LTB: variants seen among roughly 807,000 people sequenced by gnomAD.
LTB encodes lymphotoxin beta, also known as lymphotoxin-beta.
LTB carries 17 observed loss-of-function variants against 14.7 expected under a neutral mutation model. That is an observed-to-expected ratio of 1.16 (90% CI 0.79 to 1.73). The LOEUF (loss-of-function observed/expected upper bound fraction) is 1.73, where lower values mean the gene tolerates loss of function less well. LTB is among the 40% of genes most tolerant of loss of function. The pLI, the probability that LTB is intolerant of heterozygous loss-of-function variation, is 0.00. For missense variants in LTB, 288 were observed against 324.3 expected (o/e 0.89, Z 0.86); for synonymous variants, 163 against 157.3 (o/e 1.04, Z -0.27).
rs567175785 is a variant in LTB at position 31,580,602 on chromosome 6, T to C, written c.*107A>G. ...CTTTCCATTCTTTATTTTCATCAGG[T>C]TCAAAATCAATTTCCAAACAGTCTC... On this transcript the variant is annotated 3_prime_UTR_variant, in exon 4 of 4. Transcript: ENST00000429299. The surrounding 1 kb of genome is among the most constrained non-coding windows in gnomAD (Gnocchi z 6.6). The C allele has an allele frequency of 2.4e-4, 255 of 1,056,852 alleles. 2 individuals carry two copies. In the Middle Eastern group the frequency reaches 7.4e-3, roughly 31 times the overall value. The allele number at this position is 1,056,852 out of a possible 1,614,324, so 65.5% of individuals were successfully genotyped here. A position where few individuals can be genotyped will look rare whatever the true frequency, so the allele number is the denominator to read the frequency against.
intron 1 of LTB, 171 bp downstream of exon 1, chr6:31,582,085 A>T (rs1472755322): frequency 1.2e-6 from 1 of 854,010 alleles, no homozygotes; most frequent in South Asian, 1.7e-5. Context: ...TCGGGACACA[A>T]GCACAACATC....
rs776586567 is a variant in LTB at position 31,581,067 on chromosome 6, G to A, written c.377C>T (p.Ala126Val). 2 of 1,610,314 alleles carry A rather than the reference G, an allele frequency of 1.2e-6. No individual in the cohort carries two copies. The highest frequency in any genetic ancestry group is 1.7e-6 in the Non-Finnish European group (2 of 1,178,912). ...GTQFSDAEGLALPQDGLYYLY... is the reference protein window; with the variant it reads ...GTQFSDAEGLVLPQDGLYYLY... ...GTAATAGAGGCCGTCCTGCGGGAGC[G>A]CCAGCCCCTCGGCGTCCGAGAACTG... The change falls in exon 4 of 4, where the codon GCG becomes GTG. Residue 126 changes from alanine (A) to valine (V), a missense_variant. Transcript: ENST00000429299.
chr6:31,581,706 A>G lies in LTB; in HGVS notation c.209-76T>C, dbSNP rs866794051. 1.2e-5 allele frequency: 19 copies of G among 1,593,744 alleles called. No homozygotes were observed. In the Middle Eastern group the frequency reaches 3.0e-3, roughly 250 times the overall value. On this transcript the variant is annotated intron_variant, in intron 2 of 3. Transcript: ENST00000429299. ...GGCTACCCTTGAGAGAACAGGGCGC[A>G]GGGATGGGGAGCCTGGATTCCTAGA...
rs575140707 is a variant in LTB at position 31,580,878 on chromosome 6, A to G, written c.566T>C (p.Leu189Pro). The G allele has an allele frequency of 3.1e-5, 50 of 1,606,260 alleles. No individual in the cohort carries two copies. The South Asian group carries it at 5.0e-4, about 16-fold the overall frequency. ...LEGAETVTPV[L>P]DPARRQGYGP... is the part of the protein sequence containing the mutation. Reference sequence around the variant, plus strand: ...GTACCCTTGTCTCCTGGCCGGGTCCAGCACTGGAGTCACCGTCTCGGCGCC... The same window carrying G: ...GTACCCTTGTCTCCTGGCCGGGTCCGGCACTGGAGTCACCGTCTCGGCGCC... Residue 189 changes from leucine to proline, a missense_variant, in exon 4 of 4, where the codon CTG becomes CCG. Coordinates refer to ENST00000429299, the MANE Select transcript of LTB (RefSeq NM_002341.2). This position sits in a 1 kb window ranked among gnomAD's most constrained non-coding sequence, Gnocchi z 6.6.
chr6:31,581,073 C>T lies in LTB; in HGVS notation c.371G>A (p.Gly124Glu). Residue 124 changes from glycine (G) to glutamate (E), a missense_variant, in exon 4 of 4, where the codon GGG (glycine) becomes GAG (glutamate). Gly to Glu is a moderately conservative substitution (Grantham distance 98). Coordinates refer to ENST00000429299, the MANE Select transcript of LTB (RefSeq NM_002341.2). ...GAGGCCGTCCTGCGGGAGCGCCAGCCCCTCGGCGTCCGAGAACTGCGTCCC... is the reference window on the plus strand; with the variant it reads ...GAGGCCGTCCTGCGGGAGCGCCAGCTCCTCGGCGTCCGAGAACTGCGTCCC... ...TSGTQFSDAEGLALPQDGLYY... is the reference protein window; with the variant it reads ...TSGTQFSDAEELALPQDGLYY... 1 of 1,610,846 alleles carries T rather than the reference C, an allele frequency of 6.2e-7. No individual in the cohort carries two copies. The highest frequency in any genetic ancestry group is 8.5e-7 in the Non-Finnish European group (1 of 1,179,002).
chr6:31,582,254 A>T lies in LTB; in HGVS notation c.162+2T>A, dbSNP rs111986841. 6.2e-7 allele frequency: 1 copy of T among 1,612,890 alleles called. No individual in the cohort carries two copies. The highest frequency in any genetic ancestry group is 8.5e-7 in the Non-Finnish European group (1 of 1,179,894). ...CCACCAGGGCCTGTTGCAGCCACTC[A>T]CCAGTCCTCCCTGATCCTGGGGCAC... On this transcript the variant is annotated splice_donor_variant, in intron 1 of 3. Coordinates refer to ENST00000429299, the MANE Select transcript of LTB (RefSeq NM_002341.2). LOFTEE classifies it high-confidence loss of function.
At position 31,580,674 on chromosome 6, in the gene LTB, A is replaced by G. The variant is rs3093556; in HGVS notation, c.*35T>C. 8.3e-3 allele frequency: 12,990 copies of G among 1,562,820 alleles called. 502 individuals are homozygous for G. The highest frequency in any genetic ancestry group is 0.082 in the South Asian group (7,062 of 85,642). On this transcript the variant is annotated 3_prime_UTR_variant, in exon 4 of 4. Coordinates refer to ENST00000429299, the MANE Select transcript of LTB (RefSeq NM_002341.2). The surrounding 1 kb of genome is among the most constrained non-coding windows in gnomAD (Gnocchi z 6.6). ...GGGGTCCTGGGCGTCCGGGCCCCCA[A>G]TATTCACGCACTCGCACCACGCACT...
Position 31,580,678 on chromosome 6 carries a change from TCACGCACTCGCAC to T in LTB, c.*18_*30del. The T allele has an allele frequency of 1.9e-6, 3 of 1,566,924 alleles. No individual in the cohort carries two copies. Among genetic ancestry groups the T allele is most frequent in the Non-Finnish European group, 2.6e-6 (3 of 1,149,700 alleles). On this transcript the variant is annotated 3_prime_UTR_variant, in exon 4 of 4. Coordinates refer to ENST00000429299, the MANE Select transcript of LTB (RefSeq NM_002341.2). The surrounding 1 kb of genome is among the most constrained non-coding windows in gnomAD (Gnocchi z 6.6). ...TCCTGGGCGTCCGGGCCCCCAATAT[TCACGCACTCGCAC>T]CACGCACTCATATTCCCTCACCCCA...
At position 31,582,213 on chromosome 6, in the gene LTB, C is replaced by G. The variant is rs760487691; in HGVS notation, c.162+43G>C. 1.9e-6 allele frequency: 3 copies of G among 1,603,546 alleles called. No individual in the cohort carries two copies. The Admixed American group carries it at 5.0e-5, about 27-fold the overall frequency. ...GCACAACCAGAGGGAGCCAAGCATC[C>G]GCAAGATACAACTCTCCACCAGGGC... On this transcript the variant is annotated intron_variant, in intron 1 of 3. Coordinates refer to ENST00000429299, the MANE Select transcript of LTB (RefSeq NM_002341.2).
chr6:31,581,865 T>A lies in LTB; in HGVS notation c.163-6A>T, dbSNP rs1771552151. ...GGGTCGGCCGTCTCCGTTACCTGGT[T>A]GGGTGGGGTCACAGTGCCCAGAGTT... On this transcript the variant is annotated splice_region_variant and splice_polypyrimidine_tract_variant and intron_variant, in intron 1 of 3. Coordinates refer to ENST00000429299, the MANE Select transcript of LTB (RefSeq NM_002341.2). 6.3e-7 allele frequency: 1 copy of A among 1,585,972 alleles called. No homozygotes were observed. The highest frequency in any genetic ancestry group is 2.2e-5 in the East Asian group (1 of 44,742).
At position 31,580,775 on chromosome 6, in the gene LTB, G is replaced by T; in HGVS notation, c.669C>A (p.Ile223=). The change falls in exon 4 of 4, where the codon ATC becomes ATA. Residue 223 remains isoleucine (I), a synonymous_variant. Transcript: ENST00000429299. The surrounding 1 kb of genome is among the most constrained non-coding windows in gnomAD (Gnocchi z 6.6). ...CGAAGTCCACCATATCGGGGTGACT[G>T]ATGTTGACGTACACCCTCTCGCCCC... is the stretch of plus-strand genomic sequence containing the variant. The part of the protein sequence containing the change: ...LRRGERVYVN[I]SHPDMVDFAR... The T allele has an allele frequency of 1.2e-6, 2 of 1,613,046 alleles. No homozygotes were observed. The highest frequency in any genetic ancestry group is 1.7e-6 in the Non-Finnish European group (2 of 1,180,022).
rs937102036 is a variant in LTB, at chr6:31,581,653, G to T, written c.209-23C>A. 6 of 1,611,384 alleles carry T rather than the reference G, an allele frequency of 3.7e-6. No homozygotes were observed. The Admixed American group carries it at 1.0e-4, about 27-fold the overall frequency. On this transcript the variant is annotated intron_variant, in intron 2 of 3. Coordinates refer to ENST00000429299, the MANE Select transcript of LTB (RefSeq NM_002341.2). ...ACCCTGGAAGGGGCAAAGAGTCCAC[G>T]ATTGGGGGCAGGGCAGCCACCCATG... is the stretch of plus-strand genomic sequence containing the variant.
At position 31,580,829 on chromosome 6, in the gene LTB, C is replaced by G; in HGVS notation, c.615G>C (p.Val205=). The change falls in exon 4 of 4, where the codon GTG becomes GTC. Residue 205 remains valine, a synonymous_variant. Transcript: ENST00000429299. The surrounding 1 kb of genome is among the most constrained non-coding windows in gnomAD (Gnocchi z 6.6). ...QGYGPLWYTS[V]GFGGLVQLRR... is the part of the protein sequence containing the mutation. The stretch of plus-strand genomic sequence containing the variant: ...GGAGCTGCACCAGGCCGCCGAACCC[C>G]ACGCTCGTGTACCAGAGAGGCCCGT... 1.2e-6 allele frequency: 2 copies of G among 1,612,600 alleles called. No homozygotes were observed. Among genetic ancestry groups the G allele is most frequent in the Non-Finnish European group, 1.7e-6 (2 of 1,179,792 alleles).
intron 1 of LTB, 148 bp downstream of exon 1, chr6:31,582,108 A>C: frequency 1.0e-6 from 1 of 962,414 alleles, no homozygotes; most frequent in Non-Finnish European, 1.6e-6. Flanking sequence ...AGGAACATGG[A>C]AAGAGAGTCA....
rs767882226 is a variant in LTB, at chr6:31,582,243, T to A, written c.162+13A>T. The A allele has an allele frequency of 6.2e-7, 1 of 1,612,438 alleles. No individual in the cohort carries two copies. Among genetic ancestry groups the A allele is most frequent in the African/African-American group, 1.3e-5 (1 of 74,998 alleles). ...GATACAACTCTCCACCAGGGCCTGTTGCAGCCACTCACCAGTCCTCCCTGA... is the reference window on the plus strand; with the variant it reads ...GATACAACTCTCCACCAGGGCCTGTAGCAGCCACTCACCAGTCCTCCCTGA... On this transcript the variant is annotated intron_variant, in intron 1 of 3. Transcript: ENST00000429299.
intron 3 of LTB, among the ~76,000 whole-genome samples, 186 bp from the exon 4 acceptor site, chr6:31,581,349 A>T (rs1771495149): frequency 6.6e-6 from 1 of 152,092 alleles, no homozygotes; most frequent in Non-Finnish European, 1.5e-5. Flanking sequence ...AGAACGCTGT[A>T]GTGGGGACCT....
chr6:31,581,102 C>A lies in LTB; in HGVS notation c.342G>T (p.Thr114=). ...CGGCGTCCGAGAACTGCGTCCCGCT[C>A]GTCAGAAACGCCTGTTCCTTCGTCG... ...WETTKEQAFL[T]SGTQFSDAEG... is the part of the protein sequence containing the mutation. The change falls in exon 4 of 4, where the codon ACG becomes ACT. Residue 114 remains threonine (T), a synonymous_variant. Coordinates refer to ENST00000429299, the MANE Select transcript of LTB (RefSeq NM_002341.2). 1.9e-6 allele frequency: 3 copies of A among 1,604,992 alleles called. No homozygotes were observed. Among genetic ancestry groups the A allele is most frequent in the Non-Finnish European group, 2.5e-6 (3 of 1,176,480 alleles).
chr6:31,581,386 G>A (rs1771497069), intron 3 of LTB, among the ~76,000 whole-genome samples, 173 bp downstream of exon 3: 1 of 152,296 alleles, frequency 6.6e-6, no homozygotes, highest in Non-Finnish European at 1.5e-5. Flanking sequence ...TTGCACCGGA[G>A]GGAAGAAGAA....
In LTB at chr6:31,580,768, G is replaced by T. The variant is rs1771425064; in HGVS notation, c.676C>A (p.Pro226Thr). 1 of 1,613,024 alleles carries T rather than the reference G, an allele frequency of 6.2e-7. No individual in the cohort carries two copies. Among genetic ancestry groups the T allele is most frequent in the Non-Finnish European group, 8.5e-7 (1 of 1,180,014 alleles). ...GERVYVNISH[P>T]DMVDFARGKT... Reference sequence around the variant, plus strand: ...CCTCTCGCGAAGTCCACCATATCGGGGTGACTGATGTTGACGTACACCCTC... The same window carrying T: ...CCTCTCGCGAAGTCCACCATATCGGTGTGACTGATGTTGACGTACACCCTC... Residue 226 changes from proline (P) to threonine (T), a missense_variant, in exon 4 of 4, where the codon CCC (proline) becomes ACC (threonine). Transcript: ENST00000429299. The surrounding 1 kb of genome is among the most constrained non-coding windows in gnomAD (Gnocchi z 6.6).
Sources: allele counts gnomAD v4.1 joint callset (sites outside exome capture counted in the v4.1 genomes callset), GRCh38; gene constraint gnomAD v4.1.1; non-coding constraint Gnocchi (gnomAD v3.1); transcripts MANE v1.5; gene names NCBI Gene and HGNC (gene_info 2026-07-23, HGNC 2026-07-21).